The following LIPM variants were observed in gnomAD, a reference collection of about 807,000 sequenced individuals.
LIPM encodes the protein lipase member M.
In LIPM, 42 loss-of-function variants were observed where a neutral mutation model predicts 42.4. That is an observed-to-expected ratio of 0.99 (90% CI 0.77 to 1.28). The LOEUF (loss-of-function observed/expected upper bound fraction) is 1.28. Ranked by LOEUF, LIPM falls within the 50% of genes most tolerant of loss-of-function variation. The probability of loss-of-function intolerance (pLI) is 0.00; values close to 1 mark genes in which losing one functional copy is unlikely to be tolerated. For missense variants in LIPM, 524 were observed against 520.1 expected, an observed-to-expected ratio of 1.01 and a Z score of -0.07; for synonymous variants, 177 against 173.3, an observed-to-expected ratio of 1.02 and a Z score of -0.17.
intron 1 of LIPM, among the ~76,000 whole-genome samples, chr10:88,807,889 C>T (rs537000238): frequency 6.6e-6 from 1 of 152,206 alleles, no homozygotes; most frequent in African/African-American, 2.4e-5. Context: ...TGATGCACAA[C>T]GAGGTTTTGG....
chr10:88,809,709 A>C (rs181037578), intron 2 of LIPM, among the ~76,000 whole-genome samples: 1 of 152,158 alleles, frequency 6.6e-6, no homozygotes, highest in Admixed American at 6.5e-5. Flanking sequence ...GACAAATGCT[A>C]TTGGGCTTTG....
chr10:88,813,986 C>T (rs1843686078), intron 3 of LIPM, among the ~76,000 whole-genome samples: 1 of 152,182 alleles, frequency 6.6e-6, no homozygotes, highest in Non-Finnish European at 1.5e-5. Context: ...ATGGGGATTA[C>T]AGGGATTATG....
At chr10:88,817,531 T>C (rs1203243253) in intron 7 of LIPM, among the ~76,000 whole-genome samples, 2 of 152,212 alleles carry the variant, frequency 1.3e-5, no homozygotes, top group African/African-American at 4.8e-5. Flanking sequence ...TTCCCCATTG[T>C]AGCCCACACA....
intron 7 of LIPM, among the ~76,000 whole-genome samples, chr10:88,817,570 T>C (rs1257845496): frequency 6.6e-6 from 1 of 152,220 alleles, no homozygotes; most frequent in Non-Finnish European, 1.5e-5. Flanking sequence ...TCACATTAAT[T>C]ACAATGAAGA....
chr10:88,807,251 A>T (rs1843600185), intron 1 of LIPM, among the ~76,000 whole-genome samples: 1 of 152,208 alleles, frequency 6.6e-6, no homozygotes, highest in Non-Finnish European at 1.5e-5. Context: ...GGAGCAGTTT[A>T]ACTAAATTTC....
At chr10:88,810,642 G>C (rs969006677) in intron 2 of LIPM, among the ~76,000 whole-genome samples, 2 of 152,108 alleles carry the variant, frequency 1.3e-5, no homozygotes, top group Non-Finnish European at 2.9e-5. Context: ...ATCTTAGTTG[G>C]CTTCAATATC....
chr10:88,808,056 G>A (rs989694405), intron 1 of LIPM, among the ~76,000 whole-genome samples: 11 of 152,300 alleles, frequency 7.2e-5, no homozygotes, highest in African/African-American at 2.6e-4. Flanking sequence ...AAGTGATGCT[G>A]ATGCCTTTGT....
chr10:88,808,037 G>T (rs1843609366), intron 1 of LIPM, among the ~76,000 whole-genome samples: 1 of 152,178 alleles, frequency 6.6e-6, no homozygotes, highest in Non-Finnish European at 1.5e-5. Context: ...ATATCTAACA[G>T]ATTAGTCCAA....
In LIPM at chr10:88,815,466, T is replaced by C. The variant is rs3910680; in HGVS notation, c.821T>C (p.Leu274Ser). The C allele has an allele frequency of 2.7e-3, 4,239 of 1,551,566 alleles. 99 individuals are homozygous for C. The African/African-American group carries it at 0.048, about 18-fold the overall frequency. ...ILDQICSNIM[L>S]LLGGFNTNNM... ...GATCAGATTTGTAGTAATATCATGT[T>C]ACTTCTGGGTGGATTCAACACCAAC... Residue 274 changes from leucine to serine, a missense_variant, in exon 6 of 9, where the codon TTA (leucine) becomes TCA (serine). By Grantham distance (145) the Leu-to-Ser change is moderately radical. Transcript: ENST00000404743.
intron 1 of LIPM, chr10:88,805,994 G>C: frequency 2.2e-6 from 1 of 456,614 alleles, no homozygotes; most frequent in Non-Finnish European, 4.4e-6. Flanking sequence ...CAGGCCTTTA[G>C]ACCGCAAACA....
rs1056906630 is a variant in LIPM at position 88,817,056 on chromosome 10, C to T, written c.930+169C>T. 2.6e-5 allele frequency among the ~76,000 whole-genome samples: 4 copies of T among 152,296 alleles called. No homozygotes were observed. The East Asian group carries it at 5.8e-4, about 22-fold the overall frequency. ...GAGAATTTGATCTAGATCACTGAAA[C>T]TTTTCAAGAAATGGGAAGAAAGGAC... On this transcript the variant is annotated intron_variant, in intron 7 of 8. Transcript: ENST00000404743.
chr10:88,810,244 G>GC (rs35630889), intron 2 of LIPM, among the ~76,000 whole-genome samples: 20 of 152,312 alleles, frequency 1.3e-4, no homozygotes, highest in Admixed American at 1.2e-3. Flanking sequence ...TGGGGACACA[G>GC]CCCCACGAAT....
At position 88,808,275 on chromosome 10, in the gene LIPM, A is replaced by G. The variant is rs1843612085; in HGVS notation, c.148-23A>G. On this transcript the variant is annotated intron_variant, in intron 1 of 8. Coordinates refer to ENST00000404743, the MANE Select transcript of LIPM (RefSeq NM_001128215.1). ...TATGGCCACAGAGAACTGAACCTAA[A>G]AGAAATTGTGCTTTTTCCATAGAGT... 3 of 1,383,940 alleles carry G rather than the reference A, an allele frequency of 2.2e-6. No homozygotes were observed. The African/African-American group carries it at 4.3e-5, about 20-fold the overall frequency. 85.7% of individuals were successfully genotyped at this position (1,383,940 alleles called of 1,614,324 possible).
chr10:88,805,271 G>A (rs1477816706), intron 1 of LIPM, among the ~76,000 whole-genome samples: 1 of 152,102 alleles, frequency 6.6e-6, no homozygotes, highest in African/African-American at 2.4e-5. Context: ...TAAAATAGGG[G>A]GAACTAATCC....
At chr10:88,803,677 G>A (rs1452868409) in intron 1 of LIPM, among the ~76,000 whole-genome samples, 1 of 144,274 alleles carries the variant, frequency 6.9e-6, no homozygotes, top group Non-Finnish European at 1.5e-5. Context: ...TTTAGTAATG[G>A]TCACCCTATG....
rs957893935 is a variant in LIPM, at chr10:88,813,017, A to T, written c.266-80A>T. On this transcript the variant is annotated intron_variant, in intron 2 of 8. Coordinates refer to ENST00000404743, the MANE Select transcript of LIPM (RefSeq NM_001128215.1). Reference sequence around the variant, plus strand: ...CAAGATCTGAACACAGGTTTGTTTGATTTGAAAGCTCTTATTCATTACTGG... The same window carrying T: ...CAAGATCTGAACACAGGTTTGTTTGTTTTGAAAGCTCTTATTCATTACTGG... 3.3e-6 allele frequency: 4 copies of T among 1,221,334 alleles called. No homozygotes were observed. The Admixed American group carries it at 8.2e-5, about 25-fold the overall frequency. The allele number at this position is 1,221,334 out of a possible 1,614,324, so 75.7% of individuals were successfully genotyped here. A position where few individuals can be genotyped will look rare whatever the true frequency, so the allele number is the denominator to read the frequency against.
At chr10:88,812,751 A>G (rs1447536923) in intron 2 of LIPM, among the ~76,000 whole-genome samples, 3 of 152,214 alleles carry the variant, frequency 2.0e-5, no homozygotes, top group African/African-American at 4.8e-5. Flanking sequence ...ATACTATACC[A>G]TCTACTGGGG....
At chr10:88,816,703 T>C (rs1304001389) in intron 6 of LIPM, 113 bp from the exon 7 acceptor site, 10 of 672,632 alleles carry the variant, frequency 1.5e-5, no homozygotes. Context: ...TAATTGCTGA[T>C]AACTTAATAA....
At position 88,813,802 on chromosome 10, in the gene LIPM, T is replaced by G. The variant is rs571376132; in HGVS notation, c.464+507T>G. ...GGAAACTTACAATCATGGCAGAAGG[T>G]GAAGGGGAAGCAAGGCACCCTTTTC... On this transcript the variant is annotated intron_variant, in intron 3 of 8. Coordinates refer to ENST00000404743, the MANE Select transcript of LIPM (RefSeq NM_001128215.1). Among the ~76,000 whole-genome samples, 4 of 151,918 alleles carry G rather than the reference T, an allele frequency of 2.6e-5. No individual in the cohort carries two copies. In the South Asian group the frequency reaches 8.3e-4, roughly 32 times the overall value.
Sources: gnomAD v4.1 joint callset for allele counts (sites outside exome capture counted in the v4.1 genomes callset) on GRCh38, gnomAD v4.1.1 for gene constraint, MANE v1.5 for transcripts, NCBI Gene and HGNC (gene_info 2026-07-23, HGNC 2026-07-21) for gene names.